FGF1: variants seen among roughly 807,000 people sequenced by gnomAD.
FGF1 encodes beta-endothelial cell growth factor.
Under a neutral mutation model 13.4 loss-of-function variants are expected in FGF1, and 9 were observed. The observed-to-expected ratio is 0.67, with a 90% CI of 0.40 to 1.17. The LOEUF (loss-of-function observed/expected upper bound fraction) is 1.17. Ranked by LOEUF, FGF1 falls within the 50% of genes most tolerant of loss-of-function variation. FGF1 has a pLI of 0.01. For synonymous variants in FGF1, 93 were observed against 79.0 expected (o/e 1.18, Z -0.94); for missense variants, 156 against 192.7 (o/e 0.81, Z 1.13).
intron 2 of FGF1, among the ~76,000 whole-genome samples, chr5:142,694,105 AT>A (rs1752703845): frequency 1.3e-5 from 2 of 149,684 alleles, no homozygotes; most frequent in African/African-American, 5.0e-5. Flanking sequence ...CTATCTATCT[AT>A]CTATCTATCT....
chr5:142,683,632 A>G (rs1252956319), intron 1 of FGF1, among the ~76,000 whole-genome samples: 1 of 151,980 alleles, frequency 6.6e-6, no homozygotes, highest in Non-Finnish European at 1.5e-5. Context: ...GACCAGCCTT[A>G]GCAACATGGA....
intron 1 of FGF1, among the ~76,000 whole-genome samples, chr5:142,674,078 G>A (rs1772016570): frequency 6.6e-6 from 1 of 152,092 alleles, no homozygotes; most frequent in African/African-American, 2.4e-5. Flanking sequence ...TGTGTGCCTG[G>A]TGCCCCTTGT....
upstream of FGF1, among the ~76,000 whole-genome samples, chr5:142,690,419 G>A (rs954111359): frequency 7.2e-5 from 11 of 152,130 alleles, no homozygotes; most frequent in Non-Finnish European, 1.3e-4. Context: ...TGCACTAAGA[G>A]GTATAAAACG....
At chr5:142,636,479 A>G (rs186105074) in intron 1 of FGF1, among the ~76,000 whole-genome samples, 87 of 152,354 alleles carry the variant, frequency 5.7e-4, no homozygotes, top group African/African-American at 1.8e-3. Context: ...CACTTGTCAC[A>G]TATTCAGTGA....
At chr5:142,654,450 G>A (rs1469578432) in intron 1 of FGF1, among the ~76,000 whole-genome samples, 1 of 152,194 alleles carries the variant, frequency 6.6e-6, no homozygotes. Flanking sequence ...TTGAACTTTG[G>A]ATAGTAGAAA....
intron 1 of FGF1, among the ~76,000 whole-genome samples, chr5:142,650,917 A>C (rs1467843578): frequency 6.6e-6 from 1 of 152,134 alleles, no homozygotes; most frequent in Non-Finnish European, 1.5e-5. Context: ...AAGGGTGAAC[A>C]TTTTAAAATT....
intron 1 of FGF1, among the ~76,000 whole-genome samples, chr5:142,647,477 C>T (rs1211949101): frequency 8.5e-5 from 13 of 152,182 alleles, no homozygotes; most frequent in Non-Finnish European, 1.9e-4. Context: ...ACACACAATG[C>T]ACATGTTCAT....
intron 1 of FGF1, among the ~76,000 whole-genome samples, chr5:142,625,519 A>C (rs1762315629): frequency 6.6e-6 from 1 of 152,238 alleles, no homozygotes; most frequent in South Asian, 2.1e-4. Context: ...AAGGAAAAAC[A>C]GAGTGCTCCC....
chr5:142,647,048 G>A (rs558756243), intron 1 of FGF1, among the ~76,000 whole-genome samples: 10 of 152,266 alleles, frequency 6.6e-5, no homozygotes, highest in East Asian at 5.8e-4. Context: ...TAATGTACAC[G>A]CACCCACAGA....
intron 1 of FGF1, among the ~76,000 whole-genome samples, chr5:142,622,076 T>G (rs1338216346): frequency 6.6e-6 from 1 of 152,230 alleles, no homozygotes; most frequent in Non-Finnish European, 1.5e-5. Context: ...GACTGGACTG[T>G]CAGCTCCATG....
intron 1 of FGF1, among the ~76,000 whole-genome samples, chr5:142,645,072 C>T (rs894224573): frequency 7.9e-6 from 1 of 126,614 alleles, no homozygotes; most frequent in African/African-American, 2.8e-5. Context: ...GGTGAGTAAT[C>T]CCCCAGGCAG....
chr5:142,640,429 G>GGGGC (rs1554084942), intron 1 of FGF1, among the ~76,000 whole-genome samples: 1 of 150,036 alleles, frequency 6.7e-6, no homozygotes, highest in Non-Finnish European at 1.5e-5. Context: ...AGTATGGTGG[G>GGGGC]GGGGGGGGTC....
upstream of FGF1, among the ~76,000 whole-genome samples, chr5:142,690,365 T>A (rs534978952): frequency 6.7e-4 from 102 of 152,052 alleles, no homozygotes; most frequent in East Asian, 0.013. Context: ...TAAAAAAAAA[T>A]TTTACCTTTA....
At chr5:142,666,276 TAATACACA>T (rs1384607939) in intron 1 of FGF1, among the ~76,000 whole-genome samples, 21 of 81,686 alleles carry the variant, frequency 2.6e-4, no homozygotes, top group African/African-American at 7.6e-4. Flanking sequence ...AAGGAGCATG[TAATACACA>T]CACACACACA....
At chr5:142,657,523 T>G (rs1251726925) in intron 1 of FGF1, among the ~76,000 whole-genome samples, 1 of 152,218 alleles carries the variant, frequency 6.6e-6, no homozygotes, top group Non-Finnish European at 1.5e-5. Context: ...CACACCTGAT[T>G]GCGGTGGCCT....
chr5:142,594,674 G>T lies in FGF1; in HGVS notation c.*616C>A, dbSNP rs1754896083. 6.6e-6 allele frequency: 1 copy of T among 152,286 alleles called. No homozygotes were observed. Among genetic ancestry groups the T allele is most frequent in the South Asian group, 2.1e-4 (1 of 4,834 alleles). 9.4% of individuals were successfully genotyped at this position (152,286 alleles called of 1,614,324 possible). On this transcript the variant is annotated 3_prime_UTR_variant, in exon 4 of 4. Coordinates refer to ENST00000337706, the MANE Select transcript of FGF1 (RefSeq NM_000800.5). ...CAAGGATTTATTCTGCCTTCCTGCGGCTGGGCCTCCCTTTCTTCATTTATT... is the reference window on the plus strand; with the variant it reads ...CAAGGATTTATTCTGCCTTCCTGCGTCTGGGCCTCCCTTTCTTCATTTATT...
chr5:142,614,296 G>T (rs1477446557), intron 1 of FGF1, 135 bp from the exon 2 acceptor site: 1 of 661,360 alleles, frequency 1.5e-6, no homozygotes. Context: ...GGTGATGCCC[G>T]CAGTCCGCGG....
chr5:142,655,812 G>A (rs1768042231), intron 1 of FGF1, among the ~76,000 whole-genome samples: 1 of 152,200 alleles, frequency 6.6e-6, no homozygotes, highest in Non-Finnish European at 1.5e-5. Context: ...CTGAAAACCC[G>A]ACTTATCCTG....
chr5:142,644,118 G>T (rs1461087541), intron 1 of FGF1: 1 of 152,264 alleles, frequency 6.6e-6, no homozygotes, highest in East Asian at 1.9e-4. Context: ...CTTACCTGCT[G>T]GCCCGTGGCT....
Sources: allele counts gnomAD v4.1 joint callset (sites outside exome capture counted in the v4.1 genomes callset), GRCh38; gene constraint gnomAD v4.1.1; transcripts MANE v1.5; gene names NCBI Gene and HGNC (gene_info 2026-07-23, HGNC 2026-07-21).